The following USP45 variants were observed in gnomAD, a reference collection of about 807,000 sequenced individuals.
USP45 encodes the protein ubiquitin carboxyl-terminal hydrolase 45.
USP45 carries 89 observed loss-of-function variants against 95.8 expected under a neutral mutation model. The observed-to-expected ratio is 0.93, with a 90% CI of 0.78 to 1.11. The LOEUF (loss-of-function observed/expected upper bound fraction) is 1.11, where lower values mean the gene tolerates loss of function less well. Among genes scored for constraint, USP45 ranks in the 50% least tolerant of loss-of-function variants. The probability of loss-of-function intolerance (pLI) is 0.00; values close to 1 mark genes in which losing one functional copy is unlikely to be tolerated. For synonymous variants in USP45, 281 were observed against 316.2 expected (o/e 0.89, Z 1.18); for missense variants, 898 against 942.5 (o/e 0.95, Z 0.62).
At chr6:99,511,992 T>G (rs1293118028) in intron 1 of USP45, among the ~76,000 whole-genome samples, 1 of 151,648 alleles carries the variant, frequency 6.6e-6, no homozygotes, top group African/African-American at 2.4e-5. Context: ...TATAACAATG[T>G]AATCATATCT....
intron 13 of USP45, among the ~76,000 whole-genome samples, chr6:99,455,542 AAAG>A (rs2128591226): frequency 6.6e-6 from 1 of 152,272 alleles, no homozygotes; most frequent in South Asian, 2.1e-4. Context: ...TATCCAAAGA[AAAG>A]AAAACCAGTG....
intron 2 of USP45, 108 bp downstream of exon 2, chr6:99,510,013 A>C (rs1799428002): frequency 2.4e-6 from 2 of 836,572 alleles, no homozygotes; most frequent in South Asian, 3.4e-5. Context: ...GGTGGAAAAA[A>C]ATTTGTGTAC....
At chr6:99,452,158 A>G (rs1226384227) in intron 13 of USP45, among the ~76,000 whole-genome samples, 3 of 152,242 alleles carry the variant, frequency 2.0e-5, no homozygotes, top group African/African-American at 4.8e-5. Flanking sequence ...AGCAAAGGCA[A>G]CAAAAGCCAA....
chr6:99,437,420 C>A, intron 16 of USP45, 21 bp from the exon 17 acceptor site: 1 of 1,564,462 alleles, frequency 6.4e-7, no homozygotes, highest in East Asian at 2.3e-5. Context: ...AAGAAAAAAA[C>A]CCAAATTAGT....
intron 8 of USP45, among the ~76,000 whole-genome samples, chr6:99,477,283 C>T (rs1215852185): frequency 2.6e-5 from 4 of 152,070 alleles, no homozygotes; most frequent in African/African-American, 9.7e-5. Context: ...GAGTGCAGTA[C>T]TTAATTATTT....
At chr6:99,486,342 T>C (rs184297459) in intron 7 of USP45, among the ~76,000 whole-genome samples, 142 of 152,242 alleles carry the variant, frequency 9.3e-4, no homozygotes, top group African/African-American at 3.2e-3. Flanking sequence ...CTAATTGCCA[T>C]ATAGTAATCC....
intron 8 of USP45, among the ~76,000 whole-genome samples, chr6:99,477,756 T>C (rs1791237960): frequency 6.6e-6 from 1 of 152,234 alleles, no homozygotes; most frequent in South Asian, 2.1e-4. Flanking sequence ...CCAGACATTC[T>C]TGCTAACTAG....
rs1422212877 is a variant in USP45, at chr6:99,432,469, G to A, written c.*3247C>T. ...TGAGATAAATAAGAATATTTATTAT[G>A]CATGTTTTATACAGTAACACCAAAA... On this transcript the variant is annotated 3_prime_UTR_variant, in exon 18 of 18. Coordinates refer to ENST00000500704, the MANE Select transcript of USP45 (RefSeq NM_001346022.3). The A allele has an allele frequency of 1.3e-5, 2 of 152,072 alleles. No individual in the cohort carries two copies. Among genetic ancestry groups the A allele is most frequent in the African/African-American group, 4.8e-5 (2 of 41,410 alleles). The allele number at this position is 152,072 out of a possible 1,614,324, so 9.4% of individuals were successfully genotyped here.
At chr6:99,444,186 A>G (rs955442368) in intron 14 of USP45, among the ~76,000 whole-genome samples, 12 of 151,902 alleles carry the variant, frequency 7.9e-5, no homozygotes, top group African/African-American at 2.9e-4. Context: ...TAATTTTTAA[A>G]ACGTTTTTTG....
At chr6:99,449,561 T>TAA (rs1274673398) in intron 13 of USP45, among the ~76,000 whole-genome samples, 1 of 152,092 alleles carries the variant, frequency 6.6e-6, no homozygotes, top group Non-Finnish European at 1.5e-5. Flanking sequence ...CAAAGAAACT[T>TAA]AGACTCCCAC....
intron 13 of USP45, among the ~76,000 whole-genome samples, chr6:99,456,651 T>TC (rs1785157718): frequency 1.3e-5 from 2 of 152,176 alleles, no homozygotes; most frequent in Admixed American, 1.3e-4. Flanking sequence ...ATGCCTGTCT[T>TC]TACTTTAATC....
Position 99,443,668 on chromosome 6 carries a change from T to C in USP45, c.1976-6A>G. On this transcript the variant is annotated splice_polypyrimidine_tract_variant and splice_region_variant and intron_variant, in intron 14 of 17. Transcript: ENST00000500704. ...AACTCCTTCTACTTTCTTTTCTACATAAAATACAATAAATTTATTTATAAA... is the reference window on the plus strand; with the variant it reads ...AACTCCTTCTACTTTCTTTTCTACACAAAATACAATAAATTTATTTATAAA... 1.3e-6 allele frequency: 2 copies of C among 1,500,124 alleles called. No homozygotes were observed. The highest frequency in any genetic ancestry group is 1.8e-6 in the Non-Finnish European group (2 of 1,110,640). 92.9% of individuals were successfully genotyped at this position (1,500,124 alleles called of 1,614,324 possible).
chr6:99,485,272 G>C (rs1793602919), intron 7 of USP45, among the ~76,000 whole-genome samples: 1 of 151,788 alleles, frequency 6.6e-6, no homozygotes, highest in Non-Finnish European at 1.5e-5. Context: ...TTGAACCTAC[G>C]AGGCAGAGGT....
At chr6:99,467,154 C>A (rs545014386) in intron 10 of USP45, among the ~76,000 whole-genome samples, 2 of 151,856 alleles carry the variant, frequency 1.3e-5, no homozygotes, top group Non-Finnish European at 2.9e-5. Context: ...AAATAACAGT[C>A]GTAAAAGGCA....
intron 1 of USP45, among the ~76,000 whole-genome samples, chr6:99,514,147 G>A (rs1048787744): frequency 6.6e-6 from 1 of 152,174 alleles, no homozygotes; most frequent in Non-Finnish European, 1.5e-5. Flanking sequence ...ATTCATGGCT[G>A]ACATTTATTA....
chr6:99,437,314 G>C lies in USP45; in HGVS notation c.2246C>G (p.Ala749Gly). 6.2e-7 allele frequency: 1 copy of C among 1,613,752 alleles called. No homozygotes were observed. Among genetic ancestry groups the C allele is most frequent in the Non-Finnish European group, 8.5e-7 (1 of 1,179,868 alleles). Reference protein sequence around the residue: ...SGSMREGHYTAYVKVRTPSRK... With the variant: ...SGSMREGHYTGYVKVRTPSRK... ...GGAGGGTGTTCTCACTTTCACATAA[G>C]CAGTGTAGTGGCCTTCTCTCATCGA... Residue 749 changes from alanine to glycine, a missense_variant, in exon 17 of 18, where the codon GCT becomes GGT. Physicochemically the swap from Ala to Gly is moderately conservative, Grantham distance 60. Coordinates refer to ENST00000500704, the MANE Select transcript of USP45 (RefSeq NM_001346022.3).
chr6:99,488,118 GATCTGCGA>G, intron 7 of USP45, 74 bp downstream of exon 7: 1 of 867,062 alleles, frequency 1.2e-6, no homozygotes, highest in Non-Finnish European at 1.9e-6. Flanking sequence ...TTAGTTGACT[GATCTGCGA>G]ATTAGGAAAA....
chr6:99,456,593 T>C (rs1035928163), intron 13 of USP45, among the ~76,000 whole-genome samples: 2 of 152,212 alleles, frequency 1.3e-5, no homozygotes, highest in South Asian at 2.1e-4. Flanking sequence ...ATCATAAAGA[T>C]TGCATGGACA....
intron 7 of USP45, among the ~76,000 whole-genome samples, chr6:99,486,345 A>G (rs150105688): frequency 3.9e-5 from 6 of 152,308 alleles, no homozygotes; most frequent in Middle Eastern, 6.8e-3. Context: ...ATTGCCATAT[A>G]GTAATCCTGA....
Sources: allele counts gnomAD v4.1 joint callset (sites outside exome capture counted in the v4.1 genomes callset), GRCh38; gene constraint gnomAD v4.1.1; transcripts MANE v1.5; gene names NCBI Gene and HGNC (gene_info 2026-07-23, HGNC 2026-07-21).